FYB2: variants seen among roughly 807,000 people sequenced by gnomAD.
FYB2 encodes FYN-binding protein 2.
A neutral mutation model predicts 94.1 loss-of-function variants in FYB2; 103 were observed. The ratio of observed to expected loss-of-function variants is 1.09; its 90% confidence interval spans 0.93 to 1.29. The LOEUF is 1.29. FYB2 is among the 50% of genes most tolerant of loss of function. The pLI is 0.00. For synonymous variants in FYB2, 293 were observed against 287.9 expected, an observed-to-expected ratio of 1.02 and a Z score of -0.18; for missense variants, 896 against 841.5, an observed-to-expected ratio of 1.06 and a Z score of -0.80.
chr1:56,740,761 G>A lies in FYB2; in HGVS notation c.1639C>T (p.Gln547Ter). ...CTATCCTTTTCTTTCTTGAAGAATT[G>A]CTGCAGTCTTTTGAGTGCTTCTTTT... is the stretch of plus-strand genomic sequence containing the variant. ...DGKEALKRLQ[Q>*]FFKKEKDRFK... The change falls in exon 13 of 20, where the codon CAA (glutamine) becomes TAA (stop). Residue 547 changes from glutamine to a stop codon, truncating the protein, a stop_gained. Coordinates refer to ENST00000343433, the MANE Select transcript of FYB2 (RefSeq NM_001004303.5). LOFTEE classifies it high-confidence loss of function. 6.2e-7 allele frequency: 1 copy of A among 1,607,642 alleles called. No individual in the cohort carries two copies. Among genetic ancestry groups the A allele is most frequent in the Non-Finnish European group, 8.5e-7 (1 of 1,176,658 alleles).
chr1:56,780,409 C>G, intron 4 of FYB2, among the ~76,000 whole-genome samples: 1 of 152,092 alleles, frequency 6.6e-6, no homozygotes, highest in Non-Finnish European at 1.5e-5. Context: ...TAGAGCAAGC[C>G]ATGAGTCTAT....
intron 14 of FYB2, among the ~76,000 whole-genome samples, chr1:56,737,833 TG>T (rs1557593831): frequency 6.6e-6 from 1 of 152,098 alleles, no homozygotes; most frequent in African/African-American, 2.4e-5. Context: ...GGGGATACAA[TG>T]CATGCCTATT....
rs767727634 is a variant in FYB2 at position 56,789,076 on chromosome 1, G to T, written c.816C>A (p.Ile272=). 6.2e-7 allele frequency: 1 copy of T among 1,613,130 alleles called. No individual in the cohort carries two copies. Among genetic ancestry groups the T allele is most frequent in the Non-Finnish European group, 8.5e-7 (1 of 1,179,534 alleles). The change falls in exon 3 of 20, where the codon ATC becomes ATA. Residue 272 remains isoleucine (I), a synonymous_variant. Transcript: ENST00000343433. The part of the protein sequence containing the change: ...HLPKTKPLPS[I]DSLGPPPPKP... ...TTGGGGGAGGAGGACCCAGGGAGTC[G>T]ATGGAGGGCAATGGCTTTGTTTTGG...
At chr1:56,738,776 G>T in intron 13 of FYB2, 123 bp from the exon 14 acceptor site, 2 of 946,332 alleles carry the variant, frequency 2.1e-6, no homozygotes, top group Non-Finnish European at 3.2e-6. Flanking sequence ...GGTATTCTCT[G>T]ACTCCAAGTA....
chr1:56,735,173 C>A, intron 15 of FYB2, among the ~76,000 whole-genome samples: 1 of 152,052 alleles, frequency 6.6e-6, no homozygotes, highest in Non-Finnish European at 1.5e-5. Context: ...TTTATTGCAG[C>A]ACTATATGCA....
chr1:56,820,064 C>T (rs886159475), upstream of FYB2, among the ~76,000 whole-genome samples: 2 of 151,836 alleles, frequency 1.3e-5, no homozygotes, highest in African/African-American at 4.8e-5. Context: ...CCTGTCTCTA[C>T]CAAAAATATA....
intron 3 of FYB2, among the ~76,000 whole-genome samples, chr1:56,788,050 A>C (rs1176365307): frequency 6.6e-6 from 1 of 152,226 alleles, no homozygotes; most frequent in Non-Finnish European, 1.5e-5. Context: ...ACCTCTGGGA[A>C]CTTGTTAAAA....
At position 56,753,912 on chromosome 1, in the gene FYB2, A is replaced by T; in HGVS notation, c.1154T>A (p.Met385Lys). 6.2e-7 allele frequency: 1 copy of T among 1,608,974 alleles called. No homozygotes were observed. Among genetic ancestry groups the T allele is most frequent in the Non-Finnish European group, 8.5e-7 (1 of 1,176,580 alleles). ...CAATTCACATGGTTGTTTTTCCTTC[A>T]TTTTTTTATCTTCATGTTTAGCACT... ...EPSAKHEDKK[M>K]KEKQPCELKP... The change falls in exon 8 of 20, where the codon ATG (methionine) becomes AAG (lysine). Residue 385 changes from methionine to lysine, a missense_variant. Physicochemically the swap from Met to Lys is moderately conservative, Grantham distance 95. Coordinates refer to ENST00000343433, the MANE Select transcript of FYB2 (RefSeq NM_001004303.5).
intron 15 of FYB2, among the ~76,000 whole-genome samples, chr1:56,729,433 T>C (rs1644655158): frequency 6.6e-6 from 1 of 152,086 alleles, no homozygotes; most frequent in Non-Finnish European, 1.5e-5. Flanking sequence ...TGTGTGTTTA[T>C]TGAAACAGTC....
intron 4 of FYB2, among the ~76,000 whole-genome samples, chr1:56,782,611 G>A (rs1012151841): frequency 2.6e-5 from 4 of 151,866 alleles, no homozygotes; most frequent in Non-Finnish European, 4.4e-5. Flanking sequence ...AGAAGTCATC[G>A]GAAAGATTCA....
the FYB2 span, among the ~76,000 whole-genome samples, chr1:56,825,712 G>A: frequency 6.6e-6 from 1 of 152,118 alleles, no homozygotes; most frequent in Non-Finnish European, 1.5e-5. Context: ...ATTCCTGAAT[G>A]TACTTACTCA....
At chr1:56,805,757 T>C (rs539409217) in intron 1 of FYB2, among the ~76,000 whole-genome samples, 2 of 152,298 alleles carry the variant, frequency 1.3e-5, no homozygotes, top group Admixed American at 6.5e-5. Context: ...TCAAGAGATC[T>C]GATGGTTTTA....
intron 16 of FYB2, among the ~76,000 whole-genome samples, chr1:56,724,612 C>CA (rs1332673682): frequency 1.3e-5 from 2 of 151,984 alleles, no homozygotes; most frequent in African/African-American, 4.8e-5. Flanking sequence ...TTAGTTATGT[C>CA]ACTCTCTTGC....
intron 13 of FYB2, 94 bp downstream of exon 13, chr1:56,740,603 C>A: frequency 1.4e-6 from 1 of 704,234 alleles, no homozygotes; most frequent in Non-Finnish European, 2.3e-6. Context: ...TTCTGATATC[C>A]CCTTCACTGT....
At chr1:56,747,313 T>C (rs1047135891) in intron 9 of FYB2, among the ~76,000 whole-genome samples, 6 of 151,900 alleles carry the variant, frequency 3.9e-5, no homozygotes, top group Non-Finnish European at 7.4e-5. Flanking sequence ...TGCAGGTTAG[T>C]TGTGCCATGG....
intron 4 of FYB2, among the ~76,000 whole-genome samples, chr1:56,771,927 GTTGCATATTTTCTAGAAAATATT>G (rs374032843): frequency 0.015 from 2,322 of 151,416 alleles, 53 homozygotes; most frequent in African/African-American, 0.052. Flanking sequence ...TTTTTGCATA[GTTGCATATTTTCTAGAAAATATT>G]TTGCATATTT....
chr1:56,803,733 G>C (rs982178946), intron 1 of FYB2, among the ~76,000 whole-genome samples: 1 of 152,298 alleles, frequency 6.6e-6, no homozygotes, highest in East Asian at 1.9e-4. Flanking sequence ...TTGCAGTCAC[G>C]TAGAACTCCT....
chr1:56,791,928 T>A, intron 2 of FYB2, 128 bp downstream of exon 2: 1 of 1,305,990 alleles, frequency 7.7e-7, no homozygotes, highest in East Asian at 2.5e-5. Context: ...GCCTAGAATA[T>A]CACGTGGAGA....
chr1:56,789,959 C>G (rs1345277221), intron 2 of FYB2, among the ~76,000 whole-genome samples: 3 of 152,168 alleles, frequency 2.0e-5, no homozygotes, highest in Non-Finnish European at 4.4e-5. Flanking sequence ...TTTGTGATAT[C>G]TGGGCACCTG....
Sources: allele counts gnomAD v4.1 joint callset (sites outside exome capture counted in the v4.1 genomes callset), GRCh38; gene constraint gnomAD v4.1.1; transcripts MANE v1.5; gene names NCBI Gene and HGNC (gene_info 2026-07-23, HGNC 2026-07-21).